The following N4BP2L2 variants were observed in gnomAD, a reference collection of about 807,000 sequenced individuals.
The protein encoded by N4BP2L2 is NEDD4 binding protein 2 like 2, also known as NEDD4-binding protein 2-like 2.
Under a neutral mutation model 56.2 loss-of-function variants are expected in N4BP2L2, and 50 were observed. The observed-to-expected ratio is 0.89, with a 90% CI of 0.71 to 1.13. The LOEUF is 1.13. Ranked by LOEUF, N4BP2L2 falls within the 50% of genes most tolerant of loss-of-function variation. The probability of loss-of-function intolerance (pLI) is 0.00; values close to 1 mark genes in which losing one functional copy is unlikely to be tolerated. For missense variants in N4BP2L2, 689 were observed against 693.8 expected, an observed-to-expected ratio of 0.99 and a Z score of 0.08; for synonymous variants, 203 against 223.6, an observed-to-expected ratio of 0.91 and a Z score of 0.82.
At chr13:32,436,058 G>A (rs2075434952) in intron 9 of N4BP2L2, among the ~76,000 whole-genome samples, 1 of 152,114 alleles carries the variant, frequency 6.6e-6, no homozygotes, top group African/African-American at 2.4e-5. Flanking sequence ...AACCCAAGGG[G>A]GGAAATGTCT....
At chr13:32,434,383 CCA>C (rs2075235394) in intron 9 of N4BP2L2, among the ~76,000 whole-genome samples, 1 of 151,722 alleles carries the variant, frequency 6.6e-6, no homozygotes, top group Non-Finnish European at 1.5e-5. Flanking sequence ...CAGGCATGAG[CCA>C]CCGTGCCCGG....
chr13:32,518,477 C>T (rs946772317), intron 5 of N4BP2L2, among the ~76,000 whole-genome samples: 6 of 152,064 alleles, frequency 3.9e-5, no homozygotes, highest in Non-Finnish European at 8.8e-5. Context: ...CTCTTACAAA[C>T]ATAATGTTGA....
chr13:32,459,900 A>G (rs548764267), intron 6 of N4BP2L2, among the ~76,000 whole-genome samples: 1 of 152,314 alleles, frequency 6.6e-6, no homozygotes, highest in South Asian at 2.1e-4. Flanking sequence ...AGATGCAAAA[A>G]TCCTCAGCAG....
At chr13:32,535,317 G>T (rs751048236) in intron 2 of N4BP2L2, among the ~76,000 whole-genome samples, 1 of 152,158 alleles carries the variant, frequency 6.6e-6, no homozygotes, top group Admixed American at 6.5e-5. Flanking sequence ...ACTCAAAAGG[G>T]TAGGCCAGGA....
chr13:32,537,137 T>TA, intron 1 of N4BP2L2, 110 bp from the exon 2 acceptor site: 1 of 792,448 alleles, frequency 1.3e-6, no homozygotes, highest in Non-Finnish European at 1.8e-6. Context: ...GTGATATATT[T>TA]AATGGTAACA....
exon 6 of N4BP2L2, chr13:32,515,204 G>C (rs1423664466): frequency 1.3e-5 from 2 of 152,064 alleles, no homozygotes; most frequent in Admixed American, 6.5e-5. Context: ...CAGCACTTTG[G>C]GAGGATCACT....
chr13:32,433,679 C>T (rs532509374), intron 9 of N4BP2L2, among the ~76,000 whole-genome samples: 7 of 151,224 alleles, frequency 4.6e-5, no homozygotes, highest in East Asian at 2.0e-4. Context: ...GTAATCCCAG[C>T]GCTTTGGGAG....
chr13:32,498,210 T>C lies in N4BP2L2; in HGVS notation c.365+19647A>G, dbSNP rs1381905498. Among the ~76,000 whole-genome samples, 4 of 152,332 alleles carry C rather than the reference T, an allele frequency of 2.6e-5. No individual in the cohort carries two copies. In the South Asian group the frequency reaches 8.3e-4, roughly 32 times the overall value. On this transcript the variant is annotated intron_variant, in intron 6 of 9. Transcript: ENST00000357505. ...TATGTTGGCCAAGCTAGTCTCAAAC[T>C]CCTGGTCCCTGTAATTCCTCCCAAA...
exon 6 of N4BP2L2, chr13:32,514,204 C>T (rs2048713159): frequency 6.6e-6 from 1 of 151,800 alleles, no homozygotes; most frequent in South Asian, 2.1e-4. Context: ...TTATCTTTTA[C>T]AAAGATAAAT....
chr13:32,481,977 T>C (rs995920862), intron 6 of N4BP2L2, among the ~76,000 whole-genome samples: 3 of 152,218 alleles, frequency 2.0e-5, no homozygotes, highest in African/African-American at 4.8e-5. Flanking sequence ...ATATATATAA[T>C]TTAAACCTTC....
intron 6 of N4BP2L2, among the ~76,000 whole-genome samples, chr13:32,465,885 C>T (rs1401753446): frequency 6.6e-6 from 1 of 152,158 alleles, no homozygotes; most frequent in African/African-American, 2.4e-5. Context: ...AACTCCTGAC[C>T]TCATGATCCA....
chr13:32,536,695 G>C (rs749078055), exon 2 of N4BP2L2: 2 of 1,613,986 alleles, frequency 1.2e-6, no homozygotes, highest in Non-Finnish European at 1.7e-6. Context: ...CATCGTCTGC[G>C]GATACTAATG....
At chr13:32,513,988 G>A (rs1413916603) in exon 6 of N4BP2L2, 1 of 152,068 alleles carries the variant, frequency 6.6e-6, no homozygotes, top group Non-Finnish European at 1.5e-5. Flanking sequence ...TTCAAGTATA[G>A]CCAATACAAA....
exon 7 of N4BP2L2, chr13:32,443,833 C>T: frequency 6.3e-7 from 1 of 1,584,128 alleles, no homozygotes; most frequent in South Asian, 1.2e-5. Context: ...GTTTTGGAAA[C>T]TGTCTTTAGG....
In N4BP2L2 at chr13:32,468,607, T is replaced by C. The variant is rs146311464; in HGVS notation, c.366-24481A>G. Among the ~76,000 whole-genome samples, 874 of 152,352 alleles carry C rather than the reference T, an allele frequency of 5.7e-3. 9 individuals carry two copies. Among genetic ancestry groups the C allele is most frequent in the African/African-American group, 0.02 (849 of 41,582 alleles). Reference sequence around the variant, plus strand: ...AAGTGATGGGCACATGTAAGGTACATGGATGTGCTTTGGTCAAGGAATAGG... The same window carrying C: ...AAGTGATGGGCACATGTAAGGTACACGGATGTGCTTTGGTCAAGGAATAGG... On this transcript the variant is annotated intron_variant, in intron 6 of 9. Transcript: ENST00000357505.
chr13:32,452,111 G>T (rs1435523893), intron 6 of N4BP2L2, among the ~76,000 whole-genome samples: 7 of 149,886 alleles, frequency 4.7e-5, no homozygotes, highest in African/African-American at 1.7e-4. Context: ...GCCCAGGCTG[G>T]AGTGCAATGG....
intron 6 of N4BP2L2, among the ~76,000 whole-genome samples, chr13:32,491,788 C>T (rs1310667352): frequency 2.0e-5 from 3 of 151,460 alleles, no homozygotes; most frequent in East Asian, 3.9e-4. Context: ...CGTGCCACCA[C>T]GCCCAGGTAA....
Position 32,451,862 on chromosome 13 carries a change from A to T in N4BP2L2, c.366-7736T>A, listed in dbSNP as rs562517515. Reference sequence around the variant, plus strand: ...AGTTATTAAAACTGACTAAAAAGAAACAGAAAGCCTGGGTAGTCCTAGAAT... The same window carrying T: ...AGTTATTAAAACTGACTAAAAAGAATCAGAAAGCCTGGGTAGTCCTAGAAT... On this transcript the variant is annotated intron_variant, in intron 6 of 9. Transcript: ENST00000357505. Among the ~76,000 whole-genome samples, 22 of 152,150 alleles carry T rather than the reference A, an allele frequency of 1.4e-4. No individual in the cohort carries two copies. In the South Asian group the frequency reaches 4.6e-3, roughly 32 times the overall value.
intron 3 of N4BP2L2, chr13:32,526,856 TA>T (rs934173864): frequency 6.8e-6 from 1 of 148,010 alleles, no homozygotes; most frequent in Non-Finnish European, 1.5e-5. Flanking sequence ...TGCTTTTTTT[TA>T]AAGTCCCCAA....
Sources: gnomAD v4.1 joint callset for allele counts (sites outside exome capture counted in the v4.1 genomes callset) on GRCh38, gnomAD v4.1.1 for gene constraint, MANE v1.5 for transcripts, NCBI Gene and HGNC (gene_info 2026-07-23, HGNC 2026-07-21) for gene names.